Variants in ANO2 observed in about 807,000 individuals in gnomAD.
The protein encoded by ANO2 is anoctamin 2.
In ANO2, 101 loss-of-function variants were observed where a neutral mutation model predicts 124.2. The ratio of observed to expected loss-of-function variants is 0.81; its 90% CI spans 0.69 to 0.96. The LOEUF (loss-of-function observed/expected upper bound fraction) is 0.96. Ranked by LOEUF, ANO2 falls within the 40% of genes least tolerant of loss-of-function variation. The pLI is 0.00. For synonymous variants in ANO2, 486 were observed against 482.5 expected, an observed-to-expected ratio of 1.01 and a Z score of -0.09; for missense variants, 1,293 against 1,274.5, an observed-to-expected ratio of 1.01 and a Z score of -0.22.
At chr12:5,632,158 T>C (rs766156711) in intron 16 of ANO2, among the ~76,000 whole-genome samples, 1 of 152,110 alleles carries the variant, frequency 6.6e-6, no homozygotes, top group Non-Finnish European at 1.5e-5. Flanking sequence ...TTCTTTCCAC[T>C]GGATTCTCAA....
At position 5,767,292 on chromosome 12, in the gene ANO2, G is replaced by A. The variant is rs144217461; in HGVS notation, c.1056-16322C>T. On this transcript the variant is annotated intron_variant, in intron 10 of 24. Transcript: ENST00000682330. ...TCCGAGGCTTTAATTAAAGCTCACA[G>A]TGCTTGCTTCTCTGGAAGACAGCCT... 2.3e-3 allele frequency among the ~76,000 whole-genome samples: 349 copies of A among 152,318 alleles called. 3 individuals are homozygous for A. Among genetic ancestry groups the A allele is most frequent in the African/African-American group, 8.1e-3 (338 of 41,560 alleles).
At chr12:5,929,375 C>T (rs145835685) in intron 1 of ANO2, among the ~76,000 whole-genome samples, 1,934 of 21,270 alleles carry the variant, frequency 0.091, 341 homozygotes, top group East Asian at 0.33. Flanking sequence ...ATTAGTCACT[C>T]TCTTACCAGT....
chr12:5,717,006 AT>A (rs2137046871), intron 14 of ANO2, among the ~76,000 whole-genome samples: 1 of 152,324 alleles, frequency 6.6e-6, no homozygotes, highest in South Asian at 2.1e-4. Flanking sequence ...CCTGAGAAGT[AT>A]TTTTTAGGAA....
At chr12:5,786,445 C>A (rs1044338558) in intron 10 of ANO2, among the ~76,000 whole-genome samples, 3 of 152,082 alleles carry the variant, frequency 2.0e-5, no homozygotes, top group Admixed American at 2.0e-4. Context: ...TTGAAAGAGG[C>A]CTCAGACATG....
chr12:5,563,562 C>T lies in ANO2; in HGVS notation c.2734G>A (p.Val912Met), dbSNP rs777481159. The change falls in exon 25 of 25, where the codon GTG becomes ATG. Residue 912 changes from valine (V) to methionine (M), a missense_variant. Coordinates refer to ENST00000682330, the MANE Select transcript of ANO2 (RefSeq NM_001364791.2). ...LAFVIIFQNL[V>M]MFLSVLVDWM... The stretch of plus-strand genomic sequence containing the variant: ...TCCACGAGGACGCTCAGGAACATCA[C>T]GAGGTTCTGCAAAAAGCCAAGGAGA... 54 of 1,613,712 alleles carry T rather than the reference C, an allele frequency of 3.3e-5. No homozygotes were observed. The highest frequency in any genetic ancestry group is 4.4e-5 in the South Asian group (4 of 91,084).
chr12:5,945,343 C>A, upstream of ANO2: 1 of 965,536 alleles, frequency 1.0e-6, no homozygotes, highest in Non-Finnish European at 1.3e-6. Context: ...GCTGCCGCCT[C>A]CTCCTCCCCC....
At chr12:5,841,624 C>T (rs116287449) in intron 4 of ANO2, among the ~76,000 whole-genome samples, 346 of 152,304 alleles carry the variant, frequency 2.3e-3, no homozygotes, top group African/African-American at 7.4e-3. Context: ...CACCCTGGCT[C>T]CCCTTGGTTC....
chr12:5,913,140 GGGA>G (rs1297285324), intron 3 of ANO2, among the ~76,000 whole-genome samples: 8 of 152,150 alleles, frequency 5.3e-5, no homozygotes, highest in Non-Finnish European at 1.2e-4. Context: ...AGGCCTCCAG[GGGA>G]CGCTGTCACC....
At chr12:5,927,645 C>A (rs578126960) in intron 1 of ANO2, among the ~76,000 whole-genome samples, 2 of 152,316 alleles carry the variant, frequency 1.3e-5, no homozygotes, top group Non-Finnish European at 2.9e-5. Context: ...CTAATTTACA[C>A]CAAAGTACAA....
intron 2 of ANO2, 149 bp downstream of exon 2, chr12:5,922,471 G>T: frequency 1.1e-6 from 1 of 879,420 alleles, no homozygotes; most frequent in Non-Finnish European, 1.6e-6. Flanking sequence ...CTTGGAGACA[G>T]AGAAGAGAAA....
intron 14 of ANO2, among the ~76,000 whole-genome samples, chr12:5,707,499 T>C (rs1949657062): frequency 6.7e-6 from 1 of 149,926 alleles, no homozygotes; most frequent in Admixed American, 6.6e-5. Flanking sequence ...GGGTCCATAG[T>C]ATCCTTTATA....
intron 19 of ANO2, among the ~76,000 whole-genome samples, chr12:5,610,847 CACACACACACACAA>C (rs1307915720): frequency 1.6e-4 from 23 of 145,952 alleles, no homozygotes; most frequent in African/African-American, 2.3e-4. Flanking sequence ...CACACACACA[CACACACACACACAA>C]CCCTAAGGGA....
At chr12:5,615,482 G>A (rs953144347) in intron 16 of ANO2, among the ~76,000 whole-genome samples, 185 bp from the exon 17 acceptor site, 18 of 152,110 alleles carry the variant, frequency 1.2e-4, no homozygotes, top group African/African-American at 3.6e-4. Context: ...CAGGTAATAC[G>A]AAGTTACAGA....
At chr12:5,627,243 A>G (rs574085772) in intron 16 of ANO2, among the ~76,000 whole-genome samples, 40 of 152,286 alleles carry the variant, frequency 2.6e-4, no homozygotes, top group African/African-American at 9.1e-4. Flanking sequence ...GGGTCCCCCA[A>G]CAAGCATAGA....
chr12:5,803,806 G>C (rs1942136291), intron 9 of ANO2, among the ~76,000 whole-genome samples: 1 of 152,178 alleles, frequency 6.6e-6, no homozygotes, highest in South Asian at 2.1e-4. Flanking sequence ...CCTACCTGGG[G>C]CTGAGTCACG....
At chr12:5,688,994 AG>A (rs1013931547) in intron 14 of ANO2, among the ~76,000 whole-genome samples, 1 of 152,110 alleles carries the variant, frequency 6.6e-6, no homozygotes, top group African/African-American at 2.4e-5. Context: ...GAATGAGGAA[AG>A]AGAAGGTGAA....
At chr12:5,645,340 G>T (rs2136952903) in intron 15 of ANO2, among the ~76,000 whole-genome samples, 1 of 152,128 alleles carries the variant, frequency 6.6e-6, no homozygotes, top group African/African-American at 2.4e-5. Flanking sequence ...AGTGAGCCAA[G>T]ATTGTACCAC....
intron 14 of ANO2, among the ~76,000 whole-genome samples, chr12:5,720,480 G>A (rs546285745): frequency 2.0e-5 from 3 of 152,210 alleles, no homozygotes; most frequent in Admixed American, 6.5e-5. Context: ...TTTAATTTAC[G>A]TGCTTCTGGC....
chr12:5,668,376 C>A (rs1947838735), intron 14 of ANO2, among the ~76,000 whole-genome samples: 1 of 151,428 alleles, frequency 6.6e-6, no homozygotes, highest in South Asian at 2.1e-4. Context: ...CCATTCCTGT[C>A]CTCTCCCCAC....
Sources: allele counts gnomAD v4.1 joint callset (sites outside exome capture counted in the v4.1 genomes callset), GRCh38; gene constraint gnomAD v4.1.1; transcripts MANE v1.5; gene names NCBI Gene and HGNC (gene_info 2026-07-23, HGNC 2026-07-21).